Variants in TMTC4 observed in about 807,000 individuals in gnomAD.
TMTC4 encodes transmembrane O-mannosyltransferase targeting cadherins 4.
A neutral mutation model predicts 86.0 loss-of-function variants in TMTC4; 65 were observed. The ratio of observed to expected loss-of-function variants is 0.76; its 90% CI spans 0.62 to 0.93. The LOEUF is 0.93. Among genes scored for constraint, TMTC4 ranks in the 40% least tolerant of loss-of-function variants. The pLI, the probability that TMTC4 is intolerant of heterozygous loss-of-function variation, is 0.00. For synonymous variants in TMTC4, 379 were observed against 382.5 expected (o/e 0.99, Z 0.11); for missense variants, 866 against 948.1 (o/e 0.91, Z 1.14).
chr13:100,622,580 T>C (rs1879689813), intron 15 of TMTC4, among the ~76,000 whole-genome samples: 1 of 152,138 alleles, frequency 6.6e-6, no homozygotes, highest in Non-Finnish European at 1.5e-5. Flanking sequence ...TTGGCTCTTA[T>C]TTTCTTTTGT....
chr13:100,664,418 G>A (rs1886163835), intron 3 of TMTC4, 82 bp from the exon 4 acceptor site: 25 of 969,862 alleles, frequency 2.6e-5, no homozygotes, highest in Non-Finnish European at 3.6e-5. Context: ...CACCTGGGAT[G>A]CAGTCAGGCC....
intron 6 of TMTC4, among the ~76,000 whole-genome samples, chr13:100,643,945 T>A (rs1445125320): frequency 6.6e-6 from 1 of 152,004 alleles, no homozygotes; most frequent in African/African-American, 2.4e-5. Flanking sequence ...GCTGGGGAAA[T>A]TAACAAGTGT....
intron 6 of TMTC4, among the ~76,000 whole-genome samples, chr13:100,642,620 C>G (rs1883174412): frequency 6.6e-6 from 1 of 152,166 alleles, no homozygotes; most frequent in Non-Finnish European, 1.5e-5. Context: ...TCCCAACCTA[C>G]CAGTCACCTG....
At chr13:100,617,897 C>G (rs1878766093) in intron 15 of TMTC4, among the ~76,000 whole-genome samples, 1 of 152,202 alleles carries the variant, frequency 6.6e-6, no homozygotes, top group African/African-American at 2.4e-5. Context: ...TTGATAGGAA[C>G]AGTGTTGAAT....
At chr13:100,621,580 C>A (rs1267490509) in intron 15 of TMTC4, among the ~76,000 whole-genome samples, 3 of 152,154 alleles carry the variant, frequency 2.0e-5, no homozygotes, top group Non-Finnish European at 4.4e-5. Context: ...CGCCTGCCAC[C>A]ACGCCTGGCT....
chr13:100,623,430 G>A (rs749078990), intron 15 of TMTC4, among the ~76,000 whole-genome samples: 2 of 152,086 alleles, frequency 1.3e-5, no homozygotes, highest in Non-Finnish European at 2.9e-5. Flanking sequence ...ATGTGGTTTC[G>A]CCATGTTGGC....
At chr13:100,609,523 T>C (rs1054175106) in intron 17 of TMTC4, among the ~76,000 whole-genome samples, 9 of 152,112 alleles carry the variant, frequency 5.9e-5, no homozygotes, top group South Asian at 2.1e-4. Flanking sequence ...CAGGAAGCCA[T>C]GATTTAAGCA....
At chr13:100,636,498 A>T (rs746818074) in intron 10 of TMTC4, 34 bp downstream of exon 10, 3 of 1,611,924 alleles carry the variant, frequency 1.9e-6, no homozygotes, top group Non-Finnish European at 2.5e-6. Flanking sequence ...TGACTCAACC[A>T]GCGTGGAACT....
intron 3 of TMTC4, 121 bp downstream of exon 3, chr13:100,668,458 C>CA: frequency 1.0e-6 from 1 of 985,582 alleles, no homozygotes; most frequent in Non-Finnish European, 1.5e-6. Context: ...TCGAGAGCAC[C>CA]ATCGGGGCCC....
intron 15 of TMTC4, among the ~76,000 whole-genome samples, chr13:100,621,255 C>T (rs1879425242): frequency 6.6e-6 from 1 of 151,978 alleles, no homozygotes; most frequent in Non-Finnish European, 1.5e-5. Flanking sequence ...TTTCCAAATC[C>T]CAAGGAACTG....
At chr13:100,674,873 C>G, upstream of TMTC4, 1 of 974,996 alleles carries the variant, frequency 1.0e-6, no homozygotes, top group East Asian at 1.2e-4. Context: ...CGCGCCGCGC[C>G]TCCCGCAGCT....
At chr13:100,618,413 C>A (rs1332157760) in intron 15 of TMTC4, among the ~76,000 whole-genome samples, 2 of 148,540 alleles carry the variant, frequency 1.3e-5, no homozygotes, top group Non-Finnish European at 3.0e-5. Flanking sequence ...TGCCTGGTTC[C>A]ATTTCTCAAG....
chr13:100,667,695 C>A (rs996512939), intron 3 of TMTC4, among the ~76,000 whole-genome samples: 2 of 152,048 alleles, frequency 1.3e-5, no homozygotes, highest in African/African-American at 4.8e-5. Context: ...CTAATTATAT[C>A]TAGTAGGGAG....
intron 1 of TMTC4, chr13:100,674,313 C>T (rs1887545686): frequency 1.0e-6 from 1 of 978,982 alleles, no homozygotes; most frequent in Middle Eastern, 5.2e-4. Flanking sequence ...CAGCCATCGC[C>T]TGCGCCGCGG....
At chr13:100,633,193 T>C (rs1315712979) in intron 12 of TMTC4, among the ~76,000 whole-genome samples, 1 of 151,358 alleles carries the variant, frequency 6.6e-6, no homozygotes, top group Non-Finnish European at 1.5e-5. Flanking sequence ...ATGCCTGTCC[T>C]AGCTACTCGG....
At chr13:100,660,508 G>A (rs1411167729) in intron 5 of TMTC4, among the ~76,000 whole-genome samples, 3 of 152,010 alleles carry the variant, frequency 2.0e-5, no homozygotes, top group Non-Finnish European at 4.4e-5. Flanking sequence ...ATGTGGCTGG[G>A]GCTGCTGTGC....
At chr13:100,615,239 G>A (rs1284133441) in intron 15 of TMTC4, among the ~76,000 whole-genome samples, 2 of 148,082 alleles carry the variant, frequency 1.4e-5, no homozygotes, top group Non-Finnish European at 3.0e-5. Flanking sequence ...CCGGGTTCAT[G>A]TGATTCTCCC....
intron 6 of TMTC4, among the ~76,000 whole-genome samples, chr13:100,645,429 C>T (rs1883589964): frequency 6.6e-6 from 1 of 152,216 alleles, no homozygotes; most frequent in Non-Finnish European, 1.5e-5. Context: ...CACTTGTTTC[C>T]TTCCACAGTT....
intron 1 of TMTC4, among the ~76,000 whole-genome samples, chr13:100,671,916 A>G (rs1163525382): frequency 6.6e-6 from 1 of 150,456 alleles, no homozygotes; most frequent in African/African-American, 2.4e-5. Flanking sequence ...TTAGAAAGCC[A>G]GGCAAAGTGA....
Sources: gnomAD v4.1 joint callset for allele counts (sites outside exome capture counted in the v4.1 genomes callset) on GRCh38, gnomAD v4.1.1 for gene constraint, MANE v1.5 for transcripts, NCBI Gene and HGNC (gene_info 2026-07-23, HGNC 2026-07-21) for gene names.